Variants in FAM20A observed in about 807,000 individuals in gnomAD.
FAM20A encodes the protein pseudokinase FAM20A.
In FAM20A, 42 loss-of-function variants were observed where a neutral mutation model predicts 52.0. That is an observed-to-expected ratio of 0.81 (90% CI 0.63 to 1.04). The LOEUF (loss-of-function observed/expected upper bound fraction) is 1.04, where lower values mean the gene tolerates loss of function less well. FAM20A is among the 50% of genes least tolerant of loss of function. The probability of loss-of-function intolerance (pLI) is 0.00; values close to 1 mark genes in which losing one functional copy is unlikely to be tolerated. For missense variants in FAM20A, 742 were observed against 712.7 expected, an observed-to-expected ratio of 1.04 and a Z score of -0.47; for synonymous variants, 304 against 298.9, an observed-to-expected ratio of 1.02 and a Z score of -0.18.
chr17:68,585,956 C>A (rs1335110369), intron 1 of FAM20A, among the ~76,000 whole-genome samples: 1 of 152,198 alleles, frequency 6.6e-6, no homozygotes, highest in Non-Finnish European at 1.5e-5. Flanking sequence ...TCTGCCTAGT[C>A]ACTACCAGGA....
At chr17:68,592,379 AT>A in intron 1 of FAM20A, among the ~76,000 whole-genome samples, 1 of 152,354 alleles carries the variant, frequency 6.6e-6, no homozygotes, top group Admixed American at 6.5e-5. Flanking sequence ...AATCAGAATT[AT>A]AAAAAAATTC....
chr17:68,580,214 C>T (rs961818949), intron 1 of FAM20A, among the ~76,000 whole-genome samples: 24 of 152,144 alleles, frequency 1.6e-4, no homozygotes, highest in Non-Finnish European at 1.5e-5. Context: ...AATGCTTTGT[C>T]AAGAATTTAA....
At chr17:68,564,890 C>A (rs541407053) in intron 1 of FAM20A, among the ~76,000 whole-genome samples, 8 of 152,240 alleles carry the variant, frequency 5.3e-5, no homozygotes, top group African/African-American at 1.9e-4. Flanking sequence ...GTGCTCCAGA[C>A]AGGGAGGGGA....
intron 1 of FAM20A, among the ~76,000 whole-genome samples, chr17:68,570,266 G>C (rs977369057): frequency 2.6e-5 from 4 of 152,136 alleles, no homozygotes; most frequent in Non-Finnish European, 4.4e-5. Flanking sequence ...AGTAGAGACA[G>C]GGTTTCACCA....
intron 1 of FAM20A, among the ~76,000 whole-genome samples, chr17:68,562,332 G>A (rs1428931008): frequency 6.6e-6 from 1 of 152,190 alleles, no homozygotes; most frequent in Admixed American, 6.5e-5. Flanking sequence ...TGACGTAGAA[G>A]GATGTCTAAT....
intron 1 of FAM20A, among the ~76,000 whole-genome samples, chr17:68,590,644 G>T (rs1030169696): frequency 2.6e-5 from 4 of 152,194 alleles, no homozygotes; most frequent in African/African-American, 9.7e-5. Flanking sequence ...GATTGAATTT[G>T]CTTTCTAAAA....
Position 68,600,287 on chromosome 17 carries a change from C to T in FAM20A, c.380G>A (p.Arg127Gln). 1.9e-6 allele frequency: 3 copies of T among 1,574,274 alleles called. No homozygotes were observed. The highest frequency in any genetic ancestry group is 2.6e-6 in the Non-Finnish European group (3 of 1,160,346). ...CCTGTTCCAGCGGGCCACCTTCCTC[C>T]GGTAATACCGCAGCGCCTCCTGGCT... is the stretch of plus-strand genomic sequence containing the variant. ...LASQEALRYY[R>Q]RKVARWNRRH... The change falls in exon 1 of 11, where the codon CGG (arginine) becomes CAG (glutamine). Residue 127 changes from arginine (R) to glutamine (Q), a missense_variant. By Grantham distance (43) the Arg-to-Gln change is conservative. Coordinates refer to ENST00000592554, the MANE Select transcript of FAM20A (RefSeq NM_017565.4). This position sits in a 1 kb window ranked among gnomAD's most constrained non-coding sequence, Gnocchi z 6.2.
At chr17:68,559,005 G>T (rs575921106) in intron 1 of FAM20A, among the ~76,000 whole-genome samples, 2 of 152,230 alleles carry the variant, frequency 1.3e-5, no homozygotes, top group African/African-American at 4.8e-5. Context: ...TGATCCGCCC[G>T]CCTTGACCAC....
Position 68,539,344 on chromosome 17 carries a change from A to C in FAM20A, c.1354T>G (p.Cys452Gly). Reference protein sequence around the residue: ...EISILSPLSQCCMIKKKTLLH... With the variant: ...EISILSPLSQGCMIKKKTLLH... ...TGCTGCAGGAAAACTTACATGCAGC[A>C]CTGGGAGAGAGGCGAGAGGATGGAG... is the stretch of plus-strand genomic sequence containing the variant. The change falls in exon 10 of 11, where the codon TGC becomes GGC. Residue 452 changes from cysteine to glycine, a missense_variant. Physicochemically the swap from Cys to Gly is radical, Grantham distance 159. Coordinates refer to ENST00000592554, the MANE Select transcript of FAM20A (RefSeq NM_017565.4). 4 of 1,614,244 alleles carry C rather than the reference A, an allele frequency of 2.5e-6. No homozygotes were observed. The highest frequency in any genetic ancestry group is 3.4e-6 in the Non-Finnish European group (4 of 1,180,048).
chr17:68,569,785 C>T (rs1436548455), intron 1 of FAM20A, among the ~76,000 whole-genome samples: 3 of 152,210 alleles, frequency 2.0e-5, no homozygotes, highest in Non-Finnish European at 4.4e-5. Context: ...CTTGGAACAG[C>T]CATATCCTTG....
intron 10 of FAM20A, among the ~76,000 whole-genome samples, chr17:68,538,396 G>A (rs569264779): frequency 1.5e-3 from 228 of 152,324 alleles, no homozygotes; most frequent in Non-Finnish European, 2.8e-3. Flanking sequence ...ACATAGATGA[G>A]GAATACTCAT....
chr17:68,558,152 C>T lies in FAM20A; in HGVS notation c.405-2409G>A, dbSNP rs532039460. 1.2e-3 allele frequency among the ~76,000 whole-genome samples: 179 copies of T among 152,228 alleles called. 1 individual carries two copies. The highest frequency in any genetic ancestry group is 0.01 in the Middle Eastern group (3 of 294). ...GTCAAGTGGAAGGACCAGAAAGCCA[C>T]CATGAGGAGCTGAGAATGCTTCCCG... is the stretch of plus-strand genomic sequence containing the variant. On this transcript the variant is annotated intron_variant, in intron 1 of 10. Coordinates refer to ENST00000592554, the MANE Select transcript of FAM20A (RefSeq NM_017565.4).
chr17:68,581,435 C>CTCTCTTTTCTTTCT (rs2087980521), intron 1 of FAM20A, among the ~76,000 whole-genome samples: 1 of 81,786 alleles, frequency 1.2e-5, no homozygotes, highest in African/African-American at 5.1e-5. Context: ...TTCTTTCTTT[C>CTCTCTTTTCTTTCT]TTTTCTTTTT....
rs923143473 is a variant in FAM20A at position 68,600,103 on chromosome 17, G to A, written c.404+160C>T. Among the ~76,000 whole-genome samples the A allele has an allele frequency of 6.6e-6, 1 of 152,208 alleles. No homozygotes were observed. Among genetic ancestry groups the A allele is most frequent in the Non-Finnish European group, 1.5e-5 (1 of 68,038 alleles). On this transcript the variant is annotated intron_variant, in intron 1 of 10. Coordinates refer to ENST00000592554, the MANE Select transcript of FAM20A (RefSeq NM_017565.4). This position sits in a 1 kb window ranked among gnomAD's most constrained non-coding sequence, Gnocchi z 6.2. ...CTGTGAGGTCTGCAACAGCTGGTGGGGTTCGGGTGGGGAACACACTCTAAG... is the reference window on the plus strand; with the variant it reads ...CTGTGAGGTCTGCAACAGCTGGTGGAGTTCGGGTGGGGAACACACTCTAAG...
At chr17:68,592,804 T>C (rs1032834791) in intron 1 of FAM20A, among the ~76,000 whole-genome samples, 1 of 152,238 alleles carries the variant, frequency 6.6e-6, no homozygotes, top group Non-Finnish European at 1.5e-5. Flanking sequence ...ACTCCTCTAC[T>C]ATGCTGTGTT....
chr17:68,575,367 G>T, intron 1 of FAM20A, among the ~76,000 whole-genome samples: 1 of 135,756 alleles, frequency 7.4e-6, no homozygotes, highest in East Asian at 2.1e-4. Context: ...GCCAACACAG[G>T]TTCACTTTAC....
intron 1 of FAM20A, among the ~76,000 whole-genome samples, chr17:68,558,614 T>C (rs1276156761): frequency 6.6e-6 from 1 of 152,256 alleles, no homozygotes; most frequent in Non-Finnish European, 1.5e-5. Flanking sequence ...GTAAGTTTTC[T>C]GAGGCCCTCA....
intron 1 of FAM20A, among the ~76,000 whole-genome samples, chr17:68,562,020 C>T (rs960509789): frequency 1.3e-5 from 2 of 152,126 alleles, no homozygotes; most frequent in Admixed American, 6.6e-5. Flanking sequence ...GACGGGGTTT[C>T]GCCATGTTGG....
rs1212441678 is a variant in FAM20A, at chr17:68,537,134, T to C, written c.*343A>G. On this transcript the variant is annotated 3_prime_UTR_variant, in exon 11 of 11. Transcript: ENST00000592554. The surrounding 1 kb of genome is among the most constrained non-coding windows in gnomAD (Gnocchi z 4.2). ...TGAGAAGTCAGGTATCCACTTGATGTCCTTTTATTTGACTTGTTACCATTA... is the reference window on the plus strand; with the variant it reads ...TGAGAAGTCAGGTATCCACTTGATGCCCTTTTATTTGACTTGTTACCATTA... The C allele has an allele frequency of 2.0e-6, 1 of 492,700 alleles. No individual in the cohort carries two copies. Among genetic ancestry groups the C allele is most frequent in the African/African-American group, 1.9e-5 (1 of 51,614 alleles). 30.5% of individuals were successfully genotyped at this position (492,700 alleles called of 1,614,324 possible).
Sources: gnomAD v4.1 joint callset for allele counts (sites outside exome capture counted in the v4.1 genomes callset) on GRCh38, gnomAD v4.1.1 for gene constraint, Gnocchi (gnomAD v3.1) non-coding constraint, MANE v1.5 for transcripts, NCBI Gene and HGNC (gene_info 2026-07-23, HGNC 2026-07-21) for gene names.